CACNA2D4: variants seen among roughly 807,000 people sequenced by gnomAD.
CACNA2D4 encodes the protein voltage-dependent calcium channel subunit alpha-2/delta-4.
Under a neutral mutation model 163.8 loss-of-function variants are expected in CACNA2D4, and 157 were observed. The observed-to-expected ratio is 0.96, with a 90% confidence interval of 0.84 to 1.09. CACNA2D4 has a LOEUF of 1.09. Among genes scored for constraint, CACNA2D4 ranks in the 50% least tolerant of loss-of-function variants. The pLI is 0.00. For synonymous variants in CACNA2D4, 598 were observed against 586.9 expected (o/e 1.02, Z -0.27); for missense variants, 1,410 against 1,479.9 (o/e 0.95, Z 0.78).
rs368690086 is a variant in CACNA2D4, at chr12:1,841,079, G to A, written c.2471-260C>T. 3.9e-5 allele frequency among the ~76,000 whole-genome samples: 6 copies of A among 152,244 alleles called. No individual in the cohort carries two copies. The South Asian group carries it at 1.2e-3, about 31-fold the overall frequency. ...GGCTGCAGTGGCCCCACGACACTGG[G>A]GTTTCTGCGTGTTTGTCGGCTGCGG... On this transcript the variant is annotated intron_variant, in intron 25 of 37. Coordinates refer to ENST00000382722, the MANE Select transcript of CACNA2D4 (RefSeq NM_172364.5).
At chr12:1,882,051 G>A (rs545051954) in intron 13 of CACNA2D4, among the ~76,000 whole-genome samples, 3 of 152,318 alleles carry the variant, frequency 2.0e-5, no homozygotes, top group Admixed American at 6.5e-5. Flanking sequence ...TCACAGGGGC[G>A]AAGTATCCCC....
Position 1,801,052 on chromosome 12 carries a change from G to A in CACNA2D4, c.2859C>T (p.Pro953=), listed in dbSNP as rs1383600826. The A allele has an allele frequency of 3.1e-6, 5 of 1,613,050 alleles. No homozygotes were observed. In the African/African-American group the frequency reaches 5.3e-5, roughly 17 times the overall value. The part of the protein sequence containing the change: ...PSSHHHSAAQ[P]LVSPISAFLT... ...GCTGGGTGACACTCACGCTGACCAG[G>A]GGCTGGGCTGCACTGTGGTGGTGAC... The change falls in exon 31 of 38, where the codon CCC becomes CCT. Residue 953 remains proline (P), a synonymous_variant. Transcript: ENST00000382722.
At chr12:1,794,817 A>G (rs116686885) in intron 37 of CACNA2D4, among the ~76,000 whole-genome samples, 22 of 152,156 alleles carry the variant, frequency 1.4e-4, no homozygotes, top group African/African-American at 4.8e-4. Flanking sequence ...CTGGTGATCA[A>G]CTCAGTCTCC....
In CACNA2D4 at chr12:1,795,677, C is replaced by T. The variant is rs1421554626; in HGVS notation, c.3217G>A (p.Glu1073Lys). 2 of 1,608,174 alleles carry T rather than the reference C, an allele frequency of 1.2e-6. No homozygotes were observed. Among genetic ancestry groups the T allele is most frequent in the Non-Finnish European group, 1.7e-6 (2 of 1,174,994 alleles). The change falls in exon 36 of 38, where the codon GAA becomes AAA. Residue 1073 changes from glutamate to lysine, a missense_variant. By Grantham distance (56) the Glu-to-Lys change is moderately conservative (BLOSUM62 1). Coordinates refer to ENST00000382722, the MANE Select transcript of CACNA2D4 (RefSeq NM_172364.5). The stretch of plus-strand genomic sequence containing the variant: ...GAGCATTGCAGGATATATTTGACTT[C>T]TGTCGCCTCCTGCAGCACTGGTGGG... ...IFPPVLQEAT[E>K]VKYNASVKCD...
chr12:1,802,983 G>A lies in CACNA2D4; in HGVS notation c.2722-1339C>T, dbSNP rs993867967. On this transcript the variant is annotated intron_variant, in intron 29 of 37. Coordinates refer to ENST00000382722, the MANE Select transcript of CACNA2D4 (RefSeq NM_172364.5). This position sits in a 1 kb window ranked among gnomAD's most constrained non-coding sequence, Gnocchi z 4.7. The stretch of plus-strand genomic sequence containing the variant: ...TACCTGGACATACTCAGTCAGTGTG[G>A]AATGTTGATAGGGAAGGGAGGTGGG... Among the ~76,000 whole-genome samples, 1 of 152,232 alleles carries A rather than the reference G, an allele frequency of 6.6e-6. No individual in the cohort carries two copies. Among genetic ancestry groups the A allele is most frequent in the African/African-American group, 2.4e-5 (1 of 41,452 alleles).
chr12:1,831,438 C>T, intron 26 of CACNA2D4: 1 of 1,614,174 alleles, frequency 6.2e-7, no homozygotes. Flanking sequence ...AGCAAACCTG[C>T]AGCTGCTGCA....
At chr12:1,817,493 C>G (rs535457468) in intron 26 of CACNA2D4, among the ~76,000 whole-genome samples, 39 of 152,180 alleles carry the variant, frequency 2.6e-4, no homozygotes, top group Non-Finnish European at 1.3e-4. Context: ...TCCCCACGGT[C>G]TCCCTCTCCC....
chr12:1,816,818 T>C (rs944199287), intron 26 of CACNA2D4, among the ~76,000 whole-genome samples: 6 of 151,496 alleles, frequency 4.0e-5, no homozygotes, highest in African/African-American at 9.7e-5. Flanking sequence ...GCACACACAC[T>C]TGCACACACA....
Position 1,884,317 on chromosome 12 carries a change from C to T in CACNA2D4, c.1277G>A (p.Arg426Gln), listed in dbSNP as rs772210135. ...EKYNWPDCKV[R>Q]VFTYLIGREV... ...TCTCCCAATGAGGTAAGTGAAAACT[C>T]GGACCTAACCCACAAGACACAGAGG... The change falls in exon 12 of 38, where the codon CGA becomes CAA. Residue 426 changes from arginine to glutamine, a missense_variant. By Grantham distance (43) the Arg-to-Gln change is conservative. Transcript: ENST00000382722. 25 of 1,611,916 alleles carry T rather than the reference C, an allele frequency of 1.6e-5. No individual in the cohort carries two copies. The highest frequency in any genetic ancestry group is 2.0e-5 in the Non-Finnish European group (24 of 1,179,264).
At chr12:1,860,356 C>T in intron 18 of CACNA2D4, 150 bp from the exon 19 acceptor site, 1 of 645,246 alleles carries the variant, frequency 1.5e-6, no homozygotes, top group Non-Finnish European at 2.8e-6. Flanking sequence ...CACACCTCAT[C>T]CTAGTGACAC....
chr12:1,803,530 A>C (rs923877203), intron 29 of CACNA2D4, among the ~76,000 whole-genome samples: 1 of 152,214 alleles, frequency 6.6e-6, no homozygotes. Flanking sequence ...TTCCTGTGTA[A>C]GTGGAAATGG....
intron 32 of CACNA2D4, 44 bp from the exon 33 acceptor site, chr12:1,800,096 C>T (rs375189997): frequency 1.2e-5 from 18 of 1,557,402 alleles, no homozygotes; most frequent in East Asian, 7.2e-5. Context: ...TGAGCCCTCC[C>T]GACTTGGGTT....
chr12:1,856,327 A>T, intron 20 of CACNA2D4, 98 bp from the exon 21 acceptor site: 1 of 1,324,556 alleles, frequency 7.5e-7, no homozygotes, highest in South Asian at 1.2e-5. Flanking sequence ...TTCTAAAGAA[A>T]GGGACTGGGG....
chr12:1,794,657 G>A (rs1047507124), intron 37 of CACNA2D4, among the ~76,000 whole-genome samples: 2 of 152,182 alleles, frequency 1.3e-5, no homozygotes, highest in Non-Finnish European at 2.9e-5. Flanking sequence ...AAGGACGCAG[G>A]TCAGGCGGCT....
At chr12:1,859,102 T>C (rs1380877678) in intron 19 of CACNA2D4, among the ~76,000 whole-genome samples, 5 of 152,330 alleles carry the variant, frequency 3.3e-5, no homozygotes, top group East Asian at 1.9e-4. Context: ...CTTTAAAAGA[T>C]GCAAGTGCAT....
At chr12:1,807,084 C>G (rs1459486796) in intron 29 of CACNA2D4, among the ~76,000 whole-genome samples, 1 of 151,770 alleles carries the variant, frequency 6.6e-6, no homozygotes, top group Non-Finnish European at 1.5e-5. Flanking sequence ...TTGTTTCTAG[C>G]AAGCAGAATA....
At position 1,834,760 on chromosome 12, in the gene CACNA2D4, G is replaced by A; in HGVS notation, c.2551+5979C>T. 1 of 1,547,538 alleles carries A rather than the reference G, an allele frequency of 6.5e-7. No individual in the cohort carries two copies. Among genetic ancestry groups the A allele is most frequent in the African/African-American group, 1.4e-5 (1 of 73,900 alleles). On this transcript the variant is annotated intron_variant, in intron 26 of 37. Coordinates refer to ENST00000382722, the MANE Select transcript of CACNA2D4 (RefSeq NM_172364.5). This position sits in a 1 kb window ranked among gnomAD's most constrained non-coding sequence, Gnocchi z 7.6. ...CCCGGCCAGGTAGGAAGGGCGGGGA[G>A]AGCACACGGCATTGCTCAGCCACAG...
chr12:1,867,354 A>G (rs1202734681), intron 18 of CACNA2D4, among the ~76,000 whole-genome samples: 1 of 151,882 alleles, frequency 6.6e-6, no homozygotes, highest in Admixed American at 6.6e-5. Context: ...ACTTGATACC[A>G]TCTCACAGGT....
chr12:1,841,490 G>A (rs1167413107), intron 25 of CACNA2D4, among the ~76,000 whole-genome samples: 1 of 152,244 alleles, frequency 6.6e-6, no homozygotes, highest in Non-Finnish European at 1.5e-5. Flanking sequence ...TAGGTGCACA[G>A]TTTAGAGGGC....
Sources: gnomAD v4.1 joint callset for allele counts (sites outside exome capture counted in the v4.1 genomes callset) on GRCh38, gnomAD v4.1.1 for gene constraint, Gnocchi (gnomAD v3.1) non-coding constraint, MANE v1.5 for transcripts, NCBI Gene and HGNC (gene_info 2026-07-23, HGNC 2026-07-21) for gene names.